Variants in SLC60A1 observed in about 807,000 individuals in gnomAD.
SLC60A1 encodes solute carrier family 60 member 1.
chr1:205,583,367 C>T, the SLC60A1 span, among the ~76,000 whole-genome samples: 1 of 152,156 alleles, frequency 6.6e-6, no homozygotes, highest in South Asian at 2.1e-4. Flanking sequence ...CTGTGCCCTG[C>T]TAGGATCAAC....
At chr1:205,600,251 C>G in the SLC60A1 span, 3 of 636,060 alleles carry the variant, frequency 4.7e-6, no homozygotes, top group South Asian at 5.1e-5. Context: ...ACCAACTGTT[C>G]GCCAGAACTA....
At chr1:205,584,055 C>A in the SLC60A1 span, 1 of 1,614,040 alleles carries the variant, frequency 6.2e-7, no homozygotes. Flanking sequence ...GATGAGCTTG[C>A]CTTGGAGACA....
At chr1:205,600,558 C>A in the SLC60A1 span, 1 of 1,200,706 alleles carries the variant, frequency 8.3e-7, no homozygotes, top group Non-Finnish European at 1.2e-6. Context: ...GGCGCTCTCT[C>A]AATGGCTATT....
the SLC60A1 span, chr1:205,584,145 C>T: frequency 1.2e-6 from 2 of 1,608,766 alleles, no homozygotes; most frequent in Non-Finnish European, 1.7e-6. Flanking sequence ...AATGAATCTG[C>T]ATCCTCACAG....
the SLC60A1 span, among the ~76,000 whole-genome samples, chr1:205,597,382 T>TG: frequency 0.25 from 30,671 of 122,876 alleles, 4,995 homozygotes; most frequent in Non-Finnish European, 0.36. Flanking sequence ...TGTTTTTTTT[T>TG]TTTTTTTTTT....
the SLC60A1 span, chr1:205,584,202 A>C: frequency 1.5e-6 from 2 of 1,290,918 alleles, no homozygotes; most frequent in East Asian, 2.3e-5. Context: ...GAGAGAGTGA[A>C]CCTAGATCAC....
chr1:205,577,964 G>A, the SLC60A1 span, among the ~76,000 whole-genome samples: 1 of 152,184 alleles, frequency 6.6e-6, no homozygotes, highest in Non-Finnish European at 1.5e-5. This position sits in a 1 kb window ranked among gnomAD's most constrained non-coding sequence, Gnocchi z 5.2. Flanking sequence ...CGTAGTACTC[G>A]CTATCATCCT....
chr1:205,592,344 C>A, the SLC60A1 span: 2 of 1,514,570 alleles, frequency 1.3e-6, no homozygotes, highest in Non-Finnish European at 1.8e-6. Flanking sequence ...GCCGCCGCCT[C>A]GCTCTGCCCT....
the SLC60A1 span, among the ~76,000 whole-genome samples, chr1:205,570,908 T>G: frequency 6.6e-6 from 1 of 152,304 alleles, no homozygotes; most frequent in Middle Eastern, 3.4e-3. Flanking sequence ...AATGACAGGT[T>G]GGCAGGGCAG....
At chr1:205,581,649 C>T in the SLC60A1 span, among the ~76,000 whole-genome samples, 39,304 of 150,936 alleles carry the variant, frequency 0.26, 6,164 homozygotes, top group African/African-American at 0.43. This position sits in a 1 kb window ranked among gnomAD's most constrained non-coding sequence, Gnocchi z 4.2. Flanking sequence ...GCTCCTGGGC[C>T]GGGGGTGGGG....
At chr1:205,569,484 C>T in the SLC60A1 span, among the ~76,000 whole-genome samples, 1 of 133,894 alleles carries the variant, frequency 7.5e-6, no homozygotes, top group Non-Finnish European at 1.8e-5. Context: ...GCCTCCCTCC[C>T]TCCCTCCCTC....
chr1:205,580,623 A>AC, the SLC60A1 span: 6 of 1,570,444 alleles, frequency 3.8e-6, no homozygotes, highest in Non-Finnish European at 5.2e-6. This position sits in a 1 kb window ranked among gnomAD's most constrained non-coding sequence, Gnocchi z 5.0. Flanking sequence ...CTGAAGACTG[A>AC]CCCCCACCCC....
At chr1:205,572,638 A>G in the SLC60A1 span, among the ~76,000 whole-genome samples, 1 of 152,064 alleles carries the variant, frequency 6.6e-6, no homozygotes, top group African/African-American at 2.4e-5. Context: ...AGGACAAACC[A>G]GCTTCTCCCC....
the SLC60A1 span, among the ~76,000 whole-genome samples, chr1:205,593,705 A>G: frequency 6.6e-6 from 1 of 152,122 alleles, no homozygotes; most frequent in Non-Finnish European, 1.5e-5. Context: ...TTTATTATAT[A>G]AGTCGTATGT....
At chr1:205,591,259 G>A in the SLC60A1 span, among the ~76,000 whole-genome samples, 27 of 152,154 alleles carry the variant, frequency 1.8e-4, no homozygotes, top group Non-Finnish European at 3.1e-4. Flanking sequence ...GAGGCAGATG[G>A]ATTGCTTGAG....
At chr1:205,601,587 TTTTG>T in the SLC60A1 span, 2 of 152,180 alleles carry the variant, frequency 1.3e-5, no homozygotes, top group South Asian at 2.1e-4. Context: ...CTTTTTTTGT[TTTTG>T]TTTTTGTTTT....
the SLC60A1 span, chr1:205,584,984 G>A: frequency 6.2e-7 from 1 of 1,613,676 alleles, no homozygotes; most frequent in Non-Finnish European, 8.5e-7. Context: ...ATGACGGATG[G>A]GTTGACGGTG....
At chr1:205,577,897 T>TGCTTCATA in the SLC60A1 span, among the ~76,000 whole-genome samples, 1 of 152,244 alleles carries the variant, frequency 6.6e-6, no homozygotes, top group Non-Finnish European at 1.5e-5. The surrounding 1 kb of genome is among the most constrained non-coding windows in gnomAD (Gnocchi z 5.2). Context: ...CGACAAAGCC[T>TGCTTCATA]GCTTCATAGC....
At chr1:205,595,693 T>C in the SLC60A1 span, among the ~76,000 whole-genome samples, 1 of 152,216 alleles carries the variant, frequency 6.6e-6, no homozygotes, top group African/African-American at 2.4e-5. Context: ...AAAATGGGGA[T>C]GCAAATACCT....
Sources: allele counts gnomAD v4.1 joint callset (sites outside exome capture counted in the v4.1 genomes callset), GRCh38; gene constraint gnomAD v4.1.1; non-coding constraint Gnocchi (gnomAD v3.1); transcripts MANE v1.5; gene names NCBI Gene and HGNC (gene_info 2026-07-23, HGNC 2026-07-21).